Variants in KCNQ1 observed in about 807,000 individuals in gnomAD.
KCNQ1 encodes the protein potassium voltage-gated channel subfamily Q member 1.
Under a neutral mutation model 72.4 loss-of-function variants are expected in KCNQ1, and 49 were observed. That is an observed-to-expected ratio of 0.68 (90% CI 0.54 to 0.86). KCNQ1 has a LOEUF of 0.86. Ranked by LOEUF, KCNQ1 falls within the 40% of genes least tolerant of loss-of-function variation. The pLI is 0.00. For missense variants in KCNQ1, 790 were observed against 945.1 expected, an observed-to-expected ratio of 0.84 and a Z score of 2.15; for synonymous variants, 450 against 412.6, an observed-to-expected ratio of 1.09 and a Z score of -1.10.
chr11:2,625,985 G>T (rs1849255473), intron 10 of KCNQ1: 1 of 398,488 alleles, frequency 2.5e-6, no homozygotes, highest in Non-Finnish European at 4.4e-6. Context: ...CTCCCATTCT[G>T]TAGGTTGTCT....
In KCNQ1 at chr11:2,516,678, C is replaced by T. The variant is rs1337417725; in HGVS notation, c.387-11250C>T. ...CAGCAGGACTCTTTGCCGGGATCCT[C>T]ATGCTACGGCCACCACCTGATTTTG... On this transcript the variant is annotated intron_variant, in intron 1 of 15. Transcript: ENST00000155840. The surrounding 1 kb of genome is among the most constrained non-coding windows in gnomAD (Gnocchi z 7.0). 6.6e-6 allele frequency among the ~76,000 whole-genome samples: 1 copy of T among 152,172 alleles called. No homozygotes were observed. The highest frequency in any genetic ancestry group is 1.5e-5 in the Non-Finnish European group (1 of 68,038).
rs555497849 is a variant in KCNQ1 at position 2,848,753 on chromosome 11, C to A, written c.*750C>A. On this transcript the variant is annotated 3_prime_UTR_variant, in exon 16 of 16. Coordinates refer to ENST00000155840, the MANE Select transcript of KCNQ1 (RefSeq NM_000218.3). ...CTGTGCGTGGGGCTCCCGCCTCCAACCCCTCGCCCAGTCCCAGCAGCCAGC... is the reference window on the plus strand; with the variant it reads ...CTGTGCGTGGGGCTCCCGCCTCCAAACCCTCGCCCAGTCCCAGCAGCCAGC... 4.4e-6 allele frequency: 2 copies of A among 454,100 alleles called. No homozygotes were observed. Among genetic ancestry groups the A allele is most frequent in the South Asian group, 3.1e-5 (2 of 64,474 alleles). 28.1% of individuals were successfully genotyped at this position (454,100 alleles called of 1,614,324 possible).
rs138670541 is a variant in KCNQ1, at chr11:2,644,131, A to C, written c.1394-17830A>C. On this transcript the variant is annotated intron_variant, in intron 10 of 15. Coordinates refer to ENST00000155840, the MANE Select transcript of KCNQ1 (RefSeq NM_000218.3). ...TTCTGAGATTCCTATATTTGGATCT[A>C]AATCTCTTGGGAGATTGGGAAGTGT... is the stretch of plus-strand genomic sequence containing the variant. 9.9e-3 allele frequency: 3,944 copies of C among 398,582 alleles called. 42 individuals are homozygous for C. Among genetic ancestry groups the C allele is most frequent in the Non-Finnish European group, 8.8e-3 (1,986 of 226,042 alleles). 24.7% of individuals were successfully genotyped at this position (398,582 alleles called of 1,614,324 possible).
At chr11:2,758,873 G>T (rs148429847) in intron 11 of KCNQ1, among the ~76,000 whole-genome samples, 3 of 152,332 alleles carry the variant, frequency 2.0e-5, no homozygotes, top group Non-Finnish European at 4.4e-5. Context: ...TCAGATGGTG[G>T]TTCCTGGGGT....
chr11:2,589,103 T>A (rs1848636988), intron 10 of KCNQ1, among the ~76,000 whole-genome samples: 1 of 152,126 alleles, frequency 6.6e-6, no homozygotes. Context: ...ATGGGGTGGG[T>A]CGGCTCCATC....
At chr11:2,779,409 C>T (rs1356934406) in intron 15 of KCNQ1, among the ~76,000 whole-genome samples, 1 of 152,046 alleles carries the variant, frequency 6.6e-6, no homozygotes, top group Non-Finnish European at 1.5e-5. Context: ...CAAGGAAAGC[C>T]GTGGTAGAGA....
At chr11:2,632,830 T>G in intron 10 of KCNQ1, 1 of 398,440 alleles carries the variant, frequency 2.5e-6, no homozygotes. Context: ...TGATGGAGAT[T>G]TAAGTTGATT....
rs1374213578 is a variant in KCNQ1, at chr11:2,734,730, T to C, written c.1515-34114T>C. Among the ~76,000 whole-genome samples, 1 of 151,776 alleles carries C rather than the reference T, an allele frequency of 6.6e-6. No homozygotes were observed. Among genetic ancestry groups the C allele is most frequent in the Non-Finnish European group, 1.5e-5 (1 of 67,908 alleles). ...GGAGGTGAGAGGTAATCCTGGAAGC[T>C]GCTATGTAGACAGAAGCGAGGGCAA... is the stretch of plus-strand genomic sequence containing the variant. On this transcript the variant is annotated intron_variant, in intron 11 of 15. Coordinates refer to ENST00000155840, the MANE Select transcript of KCNQ1 (RefSeq NM_000218.3). The surrounding 1 kb of genome is among the most constrained non-coding windows in gnomAD (Gnocchi z 7.0).
At position 2,676,003 on chromosome 11, in the gene KCNQ1, C is replaced by T. The variant is rs770007756; in HGVS notation, c.1514+13922C>T. ...ACTCTCCCCACCCAACCCTAATTCCCAAGTTTCCTTCCCTAAAGGTTACCA... is the reference window on the plus strand; with the variant it reads ...ACTCTCCCCACCCAACCCTAATTCCTAAGTTTCCTTCCCTAAAGGTTACCA... On this transcript the variant is annotated intron_variant, in intron 11 of 15. Coordinates refer to ENST00000155840, the MANE Select transcript of KCNQ1 (RefSeq NM_000218.3). The surrounding 1 kb of genome is among the most constrained non-coding windows in gnomAD (Gnocchi z 4.2). 5 of 398,556 alleles carry T rather than the reference C, an allele frequency of 1.3e-5. No homozygotes were observed. The highest frequency in any genetic ancestry group is 2.1e-5 in the African/African-American group (1 of 48,646). 24.7% of individuals were successfully genotyped at this position (398,556 alleles called of 1,614,324 possible).
Position 2,613,817 on chromosome 11 carries a change from T to G in KCNQ1, c.1393+24963T>G, listed in dbSNP as rs1849018167. On this transcript the variant is annotated intron_variant, in intron 10 of 15. Transcript: ENST00000155840. The surrounding 1 kb of genome is among the most constrained non-coding windows in gnomAD (Gnocchi z 4.8). ...CCATCCTAATTCCCCCTACCCATTA[T>G]AGGTAACCAGTTTCAGTGTTTTCTA... is the stretch of plus-strand genomic sequence containing the variant. The G allele has an allele frequency of 2.5e-6, 1 of 398,436 alleles. No homozygotes were observed. Among genetic ancestry groups the G allele is most frequent in the African/African-American group, 2.1e-5 (1 of 48,612 alleles). The allele number at this position is 398,436 out of a possible 1,614,324, so 24.7% of individuals were successfully genotyped here.
chr11:2,806,480 C>G (rs980632644), intron 15 of KCNQ1, among the ~76,000 whole-genome samples: 5 of 152,192 alleles, frequency 3.3e-5, no homozygotes, highest in African/African-American at 9.7e-5. Context: ...GGAGGGTAGG[C>G]GACCCGCCTT....
intron 12 of KCNQ1, among the ~76,000 whole-genome samples, chr11:2,770,156 C>T (rs1278553585): frequency 6.6e-6 from 1 of 152,190 alleles, no homozygotes; most frequent in Non-Finnish European, 1.5e-5. Context: ...ACACCTTCCA[C>T]TCCAGGCCCC....
chr11:2,561,438 G>A (rs563299704), intron 2 of KCNQ1, among the ~76,000 whole-genome samples: 2 of 152,302 alleles, frequency 1.3e-5, no homozygotes, highest in East Asian at 3.9e-4. Flanking sequence ...TCCCTCTTGA[G>A]CACATGGGAC....
In KCNQ1 at chr11:2,674,385, GTGCA is replaced by G. The variant is rs1414332092; in HGVS notation, c.1514+12308_1514+12311del. 3.3e-5 allele frequency: 13 copies of G among 398,156 alleles called. No individual in the cohort carries two copies. The highest frequency in any genetic ancestry group is 5.8e-5 in the Non-Finnish European group (13 of 225,910). The allele number at this position is 398,156 out of a possible 1,614,324, so 24.7% of individuals were successfully genotyped here. On this transcript the variant is annotated intron_variant, in intron 11 of 15. Coordinates refer to ENST00000155840, the MANE Select transcript of KCNQ1 (RefSeq NM_000218.3). This position sits in a 1 kb window ranked among gnomAD's most constrained non-coding sequence, Gnocchi z 5.9. ...AAGAGCAGCTTCCTGCTTAGGGAAG[GTGCA>G]TGCGTGCGTGTGTGTGTGCGCGCCC... is the stretch of plus-strand genomic sequence containing the variant.
At chr11:2,646,676 C>A in intron 10 of KCNQ1, 4 of 398,558 alleles carry the variant, frequency 1.0e-5, no homozygotes, top group Non-Finnish European at 1.3e-5. Context: ...AGGTGCAGGC[C>A]ACCACGCCCA....
chr11:2,837,051 G>A (rs570921032), intron 15 of KCNQ1, among the ~76,000 whole-genome samples: 123 of 152,296 alleles, frequency 8.1e-4, no homozygotes, highest in African/African-American at 2.8e-3. Flanking sequence ...CTGGGGGCAC[G>A]GGGCATGGCA....
At chr11:2,528,155 G>T in intron 2 of KCNQ1, 137 bp downstream of exon 2, 1 of 789,588 alleles carries the variant, frequency 1.3e-6, no homozygotes, top group South Asian at 1.4e-5. Flanking sequence ...CCCTGATACA[G>T]GGGGCACCTC....
At position 2,632,504 on chromosome 11, in the gene KCNQ1, A is replaced by G. The variant is rs1212678303; in HGVS notation, c.1394-29457A>G. On this transcript the variant is annotated intron_variant, in intron 10 of 15. Coordinates refer to ENST00000155840, the MANE Select transcript of KCNQ1 (RefSeq NM_000218.3). ...GATGCTCCTTGTGGGTTTTTCTTCT[A>G]GGAGTCTTTTTCTTTGTCCTTTTAT... The G allele has an allele frequency of 2.5e-5, 10 of 398,256 alleles. No individual in the cohort carries two copies. The East Asian group carries it at 3.2e-4, about 13-fold the overall frequency. 24.7% of individuals were successfully genotyped at this position (398,256 alleles called of 1,614,324 possible).
At chr11:2,655,850 T>C (rs1040825106) in intron 10 of KCNQ1, 8 of 398,524 alleles carry the variant, frequency 2.0e-5, no homozygotes, top group South Asian at 2.5e-4. Flanking sequence ...TCCTCTTGAA[T>C]TGGAAAAACA....
Sources: allele counts gnomAD v4.1 joint callset (sites outside exome capture counted in the v4.1 genomes callset), GRCh38; gene constraint gnomAD v4.1.1; non-coding constraint Gnocchi (gnomAD v3.1); transcripts MANE v1.5; gene names NCBI Gene and HGNC (gene_info 2026-07-23, HGNC 2026-07-21).